Variants in MME observed in about 807,000 individuals in gnomAD.
MME encodes membrane metalloendopeptidase, also known as neprilysin.
Under a neutral mutation model 113.2 loss-of-function variants are expected in MME, and 98 were observed. That is an observed-to-expected ratio of 0.87 (90% CI 0.74 to 1.02). The LOEUF (loss-of-function observed/expected upper bound fraction) is 1.02. MME is among the 50% of genes least tolerant of loss of function. The pLI, the probability that MME is intolerant of heterozygous loss-of-function variation, is 0.00. For missense variants in MME, 836 were observed against 896.0 expected, an observed-to-expected ratio of 0.93 and a Z score of 0.86; for synonymous variants, 292 against 300.6, an observed-to-expected ratio of 0.97 and a Z score of 0.30.
intron 17 of MME, among the ~76,000 whole-genome samples, chr3:155,161,639 C>A (rs1243076074): frequency 6.6e-6 from 1 of 152,036 alleles, no homozygotes; most frequent in Non-Finnish European, 1.5e-5. Flanking sequence ...TTTATGATTT[C>A]TATTTTTGGA....
At chr3:155,176,319 A>G (rs1712513096) in intron 22 of MME, among the ~76,000 whole-genome samples, 1 of 152,172 alleles carries the variant, frequency 6.6e-6, no homozygotes, top group Non-Finnish European at 1.5e-5. Flanking sequence ...ACAATAAGTT[A>G]TTTTACATAA....
At chr3:155,083,890 A>G in intron 1 of MME, 1 of 405,282 alleles carries the variant, frequency 2.5e-6, no homozygotes, top group South Asian at 2.3e-5. Context: ...TTACTGTCTA[A>G]TTTTGCTGAG....
intron 3 of MME, among the ~76,000 whole-genome samples, chr3:155,091,085 A>G (rs140198556): frequency 1.3e-5 from 2 of 152,306 alleles, no homozygotes; most frequent in East Asian, 1.9e-4. Flanking sequence ...TATGTAGTTA[A>G]GTTTGGAAAA....
intron 1 of MME, among the ~76,000 whole-genome samples, chr3:155,082,189 C>G (rs1447744832): frequency 2.0e-5 from 3 of 152,162 alleles, no homozygotes; most frequent in Admixed American, 2.0e-4. Flanking sequence ...AACCCTGAGG[C>G]TGCCCTGGTT....
intron 3 of MME, among the ~76,000 whole-genome samples, chr3:155,086,999 T>TC (rs1715800417): frequency 8.9e-6 from 1 of 112,132 alleles, no homozygotes; most frequent in Non-Finnish European, 1.9e-5. Flanking sequence ...TTTTTTGTTT[T>TC]TTTTTGTTTT....
chr3:155,052,631 G>A (rs1299148903), intron 1 of MME, among the ~76,000 whole-genome samples: 2 of 152,234 alleles, frequency 1.3e-5, no homozygotes, highest in Non-Finnish European at 2.9e-5. Flanking sequence ...ACAGGGCAGG[G>A]GGGCCCTGGG....
At chr3:155,036,319 T>C (rs1205902330) in intron 1 of MME, among the ~76,000 whole-genome samples, 2 of 152,190 alleles carry the variant, frequency 1.3e-5, no homozygotes, top group Non-Finnish European at 2.9e-5. Flanking sequence ...AATGTTCAGT[T>C]TGAGAAGTTT....
intron 1 of MME, among the ~76,000 whole-genome samples, chr3:155,070,686 A>G (rs1280965812): frequency 1.3e-5 from 2 of 152,190 alleles, no homozygotes; most frequent in Non-Finnish European, 2.9e-5. Context: ...ATCCAAGAGA[A>G]GTTGGGAATT....
chr3:155,049,588 A>G (rs1162594713), intron 1 of MME, among the ~76,000 whole-genome samples: 1 of 152,160 alleles, frequency 6.6e-6, no homozygotes, highest in African/African-American at 2.4e-5. Context: ...CTCAGATAGA[A>G]TTAAGGAACA....
At chr3:155,147,297 G>A (rs1445638792) in intron 15 of MME, 73 bp downstream of exon 15, 1 of 947,500 alleles carries the variant, frequency 1.1e-6, no homozygotes, top group Non-Finnish European at 1.7e-6. Flanking sequence ...TAGCTATGGG[G>A]TGCCTGAAAT....
intron 3 of MME, among the ~76,000 whole-genome samples, chr3:155,109,140 A>G (rs1005486780): frequency 1.3e-5 from 2 of 152,166 alleles, no homozygotes; most frequent in Non-Finnish European, 2.9e-5. Flanking sequence ...TGAATATAGT[A>G]TAGTTTTTGC....
intron 7 of MME, among the ~76,000 whole-genome samples, chr3:155,118,321 T>G (rs1268094882): frequency 6.6e-6 from 1 of 152,178 alleles, no homozygotes; most frequent in African/African-American, 2.4e-5. Context: ...TGAAAGGGGA[T>G]CCCAACTAAG....
At chr3:155,174,254 C>G (rs1475471548) in intron 22 of MME, among the ~76,000 whole-genome samples, 1 of 150,470 alleles carries the variant, frequency 6.6e-6, no homozygotes, top group Non-Finnish European at 1.5e-5. Flanking sequence ...TTATTTGTAT[C>G]TTTAAGTCTT....
Position 155,131,973 on chromosome 3 carries a change from T to C in MME, c.721-6129T>C, listed in dbSNP as rs60843280. On this transcript the variant is annotated intron_variant, in intron 8 of 22. Coordinates refer to ENST00000360490, the MANE Select transcript of MME (RefSeq NM_007289.4). ...TAGCATTATTAAATATTCCCCAACA[T>C]CAGTGGCCAAGAATGACACAATTCT... Among the ~76,000 whole-genome samples, 1,139 of 152,280 alleles carry C rather than the reference T, an allele frequency of 7.5e-3. 17 individuals carry two copies. Among genetic ancestry groups the C allele is most frequent in the African/African-American group, 0.026 (1,067 of 41,556 alleles).
intron 8 of MME, among the ~76,000 whole-genome samples, chr3:155,133,562 C>A (rs1229056101): frequency 6.6e-6 from 1 of 150,616 alleles, no homozygotes; most frequent in Non-Finnish European, 1.5e-5. Flanking sequence ...AAGATGATTA[C>A]TGTTATTGTT....
intron 3 of MME, among the ~76,000 whole-genome samples, chr3:155,102,649 A>G (rs1456453277): frequency 6.6e-6 from 1 of 152,180 alleles, no homozygotes; most frequent in African/African-American, 2.4e-5. Flanking sequence ...ACAGCTTGTA[A>G]TAAAAGTAAA....
At chr3:155,098,281 C>G (rs921341987) in intron 3 of MME, among the ~76,000 whole-genome samples, 1 of 151,980 alleles carries the variant, frequency 6.6e-6, no homozygotes, top group Non-Finnish European at 1.5e-5. Context: ...GCTGGCTGGG[C>G]GCAGTGGCTC....
At chr3:155,154,094 T>A (rs1722143299) in intron 16 of MME, among the ~76,000 whole-genome samples, 1 of 152,156 alleles carries the variant, frequency 6.6e-6, no homozygotes, top group Non-Finnish European at 1.5e-5. Context: ...ATGTCAGCAT[T>A]TAAATTAATA....
rs146135085 is a variant in MME at position 155,094,571 on chromosome 3, G to A, written c.196+9477G>A. Among the ~76,000 whole-genome samples the A allele has an allele frequency of 3.1e-3, 468 of 152,104 alleles. 2 individuals carry two copies. The highest frequency in any genetic ancestry group is 0.011 in the African/African-American group (445 of 41,530). ...AGGAAGTTGTAGCCAGAAACAGAGAGAAAGAAAAAAGAGAATGTGGTACAT... is the reference window on the plus strand; with the variant it reads ...AGGAAGTTGTAGCCAGAAACAGAGAAAAAGAAAAAAGAGAATGTGGTACAT... On this transcript the variant is annotated intron_variant, in intron 3 of 22. Transcript: ENST00000360490.
Sources: gnomAD v4.1 joint callset for allele counts (sites outside exome capture counted in the v4.1 genomes callset) on GRCh38, gnomAD v4.1.1 for gene constraint, MANE v1.5 for transcripts, NCBI Gene and HGNC (gene_info 2026-07-23, HGNC 2026-07-21) for gene names.